Variants in GALNT10 observed in about 807,000 individuals in gnomAD.
GALNT10 encodes polypeptide N-acetylgalactosaminyltransferase 10, also known as GalNAc transferase 10.
Under a neutral mutation model 75.0 loss-of-function variants are expected in GALNT10, and 41 were observed. The ratio of observed to expected loss-of-function variants is 0.55; its 90% CI spans 0.43 to 0.71. GALNT10 has a LOEUF of 0.71. Ranked by LOEUF, GALNT10 falls within the 30% of genes least tolerant of loss-of-function variation. GALNT10 has a pLI of 0.00. For synonymous variants in GALNT10, 302 were observed against 313.0 expected (o/e 0.96, Z 0.37); for missense variants, 727 against 818.5 (o/e 0.89, Z 1.36).
chr5:154,415,619 C>T (rs968558856), intron 10 of GALNT10, among the ~76,000 whole-genome samples, 164 bp from the exon 11 acceptor site: 6 of 152,088 alleles, frequency 3.9e-5, no homozygotes, highest in East Asian at 1.9e-4. Context: ...GGTGAGCCAC[C>T]GCACCTGGCC....
intron 4 of GALNT10, among the ~76,000 whole-genome samples, chr5:154,355,465 C>G (rs929667947): frequency 1.3e-5 from 2 of 152,208 alleles, no homozygotes; most frequent in African/African-American, 4.8e-5. Flanking sequence ...CCTCCCATTC[C>G]GGGCCTGGCC....
At chr5:154,267,731 A>G (rs1165787293) in intron 1 of GALNT10, among the ~76,000 whole-genome samples, 1 of 152,160 alleles carries the variant, frequency 6.6e-6, no homozygotes, top group African/African-American at 2.4e-5. Flanking sequence ...AGGTTTAGTC[A>G]GCCAAAAGCA....
intron 1 of GALNT10, among the ~76,000 whole-genome samples, chr5:154,203,292 T>C (rs13162301): frequency 0.41 from 62,104 of 151,936 alleles, 14,111 homozygotes; most frequent in East Asian, 0.73. Flanking sequence ...GATGTGTGTC[T>C]CTCTCTTAGC....
chr5:154,249,931 G>A (rs537938324), intron 1 of GALNT10, among the ~76,000 whole-genome samples: 18 of 152,306 alleles, frequency 1.2e-4, no homozygotes, highest in African/African-American at 4.1e-4. Context: ...CTCTAGGCAT[G>A]AGCAGCATCA....
intron 1 of GALNT10, among the ~76,000 whole-genome samples, chr5:154,287,775 GAAGA>G (rs1308208745): frequency 6.6e-6 from 1 of 152,134 alleles, no homozygotes; most frequent in East Asian, 1.9e-4. Flanking sequence ...CAAAACTCAT[GAAGA>G]AAGTACATTT....
At chr5:154,382,189 C>T (rs1012478766) in intron 6 of GALNT10, among the ~76,000 whole-genome samples, 7 of 152,156 alleles carry the variant, frequency 4.6e-5, no homozygotes, top group African/African-American at 1.7e-4. Context: ...CACTATGAGC[C>T]CCAGGGCAGG....
chr5:154,297,368 T>C (rs1315375998), intron 2 of GALNT10, among the ~76,000 whole-genome samples: 1 of 152,262 alleles, frequency 6.6e-6, no homozygotes, highest in Non-Finnish European at 1.5e-5. Context: ...GCAATTTTGA[T>C]TTACTTATAA....
Position 154,298,375 on chromosome 5 carries a change from T to C in GALNT10, c.401+296T>C, listed in dbSNP as rs1174577372. Among the ~76,000 whole-genome samples the C allele has an allele frequency of 6.6e-6, 1 of 151,970 alleles. No homozygotes were observed. The highest frequency in any genetic ancestry group is 1.5e-5 in the Non-Finnish European group (1 of 67,956). On this transcript the variant is annotated intron_variant, in intron 3 of 11. Transcript: ENST00000297107. This position sits in a 1 kb window ranked among gnomAD's most constrained non-coding sequence, Gnocchi z 4.1. ...TGTAGACGACAAGTTGTCATGCAGT[T>C]TTTAACTTTCATTCTCTTCACTTTC...
chr5:154,416,518 C>CACACACACACAT lies in GALNT10; in HGVS notation c.1654-296_1654-295insACACACACACAT, dbSNP rs1554102729. Among the ~76,000 whole-genome samples, 27 of 149,144 alleles carry CACACACACACAT rather than the reference C, an allele frequency of 1.8e-4. No individual in the cohort carries two copies. The highest frequency in any genetic ancestry group is 6.6e-4 in the African/African-American group (27 of 40,684). On this transcript the variant is annotated intron_variant, in intron 11 of 11. Transcript: ENST00000297107. The surrounding 1 kb of genome is among the most constrained non-coding windows in gnomAD (Gnocchi z 4.5). ...ACACACACACACACACACACACACA[C>CACACACACACAT]GATAAGGACCAGTGAGGTCTGACAG...
intron 1 of GALNT10, among the ~76,000 whole-genome samples, chr5:154,198,503 G>T (rs537076670): frequency 1.1e-4 from 16 of 152,328 alleles, no homozygotes; most frequent in African/African-American, 3.4e-4. Flanking sequence ...AAGATAAGTG[G>T]TTGGCTTAAC....
At chr5:154,290,012 C>A (rs1466072228) in intron 1 of GALNT10, among the ~76,000 whole-genome samples, 1 of 152,134 alleles carries the variant, frequency 6.6e-6, no homozygotes, top group Non-Finnish European at 1.5e-5. Flanking sequence ...GGCTCCTAAA[C>A]CACCTGAAAT....
rs1198024488 is a variant in GALNT10, at chr5:154,334,192, T to G, written c.568+4454T>G. ...CAACTAATTGTAATTCAGCTAAGGG[T>G]CGAGACCTCAGGTAGGAGACAAAAT... On this transcript the variant is annotated intron_variant, in intron 4 of 11. Transcript: ENST00000297107. Among the ~76,000 whole-genome samples, 4 of 152,146 alleles carry G rather than the reference T, an allele frequency of 2.6e-5. No homozygotes were observed. The East Asian group carries it at 7.7e-4, about 29-fold the overall frequency.
chr5:154,309,294 AG>A (rs1298526564), intron 3 of GALNT10, among the ~76,000 whole-genome samples: 1 of 152,094 alleles, frequency 6.6e-6, no homozygotes, highest in Non-Finnish European at 1.5e-5. Context: ...GTGAATGATG[AG>A]AAGTTAGGCT....
rs1754309724 is a variant in GALNT10, at chr5:154,298,140, A to T, written c.401+61A>T. 4 of 1,498,926 alleles carry T rather than the reference A, an allele frequency of 2.7e-6. No homozygotes were observed. Among genetic ancestry groups the T allele is most frequent in the Non-Finnish European group, 3.7e-6 (4 of 1,087,604 alleles). 92.9% of individuals were successfully genotyped at this position (1,498,926 alleles called of 1,614,324 possible). ...GATGTTTCCCTGGCTGTTGTTGAGA[A>T]TTAATTAAGGAAGCAGGTACATGGA... On this transcript the variant is annotated intron_variant, in intron 3 of 11. Coordinates refer to ENST00000297107, the MANE Select transcript of GALNT10 (RefSeq NM_198321.4). The surrounding 1 kb of genome is among the most constrained non-coding windows in gnomAD (Gnocchi z 4.1).
intron 1 of GALNT10, among the ~76,000 whole-genome samples, chr5:154,253,514 C>A (rs1337268230): frequency 6.6e-6 from 1 of 151,806 alleles, no homozygotes; most frequent in Non-Finnish European, 1.5e-5. Context: ...CACATGTACT[C>A]TAAAACTTAA....
chr5:154,320,879 A>C (rs1754662160), intron 3 of GALNT10, among the ~76,000 whole-genome samples: 2 of 152,214 alleles, frequency 1.3e-5, no homozygotes, highest in Non-Finnish European at 2.9e-5. Flanking sequence ...CTGTTCACAC[A>C]GCTGGAATGA....
At chr5:154,239,395 G>A (rs767184135) in intron 1 of GALNT10, among the ~76,000 whole-genome samples, 24 of 152,218 alleles carry the variant, frequency 1.6e-4, no homozygotes, top group Non-Finnish European at 3.2e-4. Context: ...AGCAGGAGGT[G>A]AGCGGTGGGG....
rs539899511 is a variant in GALNT10, at chr5:154,285,732, A to C, written c.160-9084A>C. Among the ~76,000 whole-genome samples the C allele has an allele frequency of 9.2e-5, 14 of 151,820 alleles. No homozygotes were observed. The South Asian group carries it at 1.2e-3, about 14-fold the overall frequency. ...CTCTTGGCCTCCTAATCCCTTTTCC[A>C]CTTGGCTACAAGAGAGCTTTCCAAA... On this transcript the variant is annotated intron_variant, in intron 1 of 11. Coordinates refer to ENST00000297107, the MANE Select transcript of GALNT10 (RefSeq NM_198321.4).
At chr5:154,342,370 C>A (rs1300297238) in intron 4 of GALNT10, among the ~76,000 whole-genome samples, 1 of 152,128 alleles carries the variant, frequency 6.6e-6, no homozygotes, top group Non-Finnish European at 1.5e-5. Flanking sequence ...GTCTCCAGGT[C>A]ATCTGGATTC....
Sources: gnomAD v4.1 joint callset for allele counts (sites outside exome capture counted in the v4.1 genomes callset) on GRCh38, gnomAD v4.1.1 for gene constraint, Gnocchi (gnomAD v3.1) non-coding constraint, MANE v1.5 for transcripts, NCBI Gene and HGNC (gene_info 2026-07-23, HGNC 2026-07-21) for gene names.